DHRSX: variants seen among roughly 807,000 people sequenced by gnomAD.
DHRSX encodes the protein dehydrogenase/reductase X-linked.
DHRSX carries 31 observed loss-of-function variants against 34.0 expected under a neutral mutation model. The ratio of observed to expected loss-of-function variants is 0.91; its 90% CI spans 0.69 to 1.23. The LOEUF (loss-of-function observed/expected upper bound fraction) is 1.23. Ranked by LOEUF, DHRSX falls within the 50% of genes most tolerant of loss-of-function variation. DHRSX has a pLI of 0.00. For missense variants in DHRSX, 414 were observed against 428.1 expected (o/e 0.97, Z 0.29); for synonymous variants, 201 against 183.8 (o/e 1.09, Z -0.76).
At chrX:2,396,341 C>A (rs1483819718) in intron 3 of DHRSX, among the ~76,000 whole-genome samples, 1 of 151,486 alleles carries the variant, frequency 6.6e-6, no homozygotes, top group Non-Finnish European at 1.5e-5. Context: ...GCATTCAACC[C>A]CTTGCAATTG....
chrX:2,376,423 A>C (rs921928328), intron 3 of DHRSX, among the ~76,000 whole-genome samples: 2 of 137,348 alleles, frequency 1.5e-5, no homozygotes, highest in African/African-American at 4.9e-5. Flanking sequence ...GCCATGAAGA[A>C]AGGCTTTGAA....
At chrX:2,336,093 C>T (rs775295333) in intron 3 of DHRSX, among the ~76,000 whole-genome samples, 31 of 150,686 alleles carry the variant, frequency 2.1e-4, no homozygotes, top group African/African-American at 7.6e-4. Context: ...CTGCAACCTC[C>T]GCCTCTCAAT....
At chrX:2,276,768 AGAAG>A (rs1363671171) in intron 4 of DHRSX, among the ~76,000 whole-genome samples, 1 of 149,808 alleles carries the variant, frequency 6.7e-6, no homozygotes, top group Non-Finnish European at 1.5e-5. Flanking sequence ...GGGAGGGCAA[AGAAG>A]GAAGAGAGAA....
intron 2 of DHRSX, among the ~76,000 whole-genome samples, chrX:2,416,454 G>T (rs1302366158): frequency 6.6e-6 from 1 of 152,122 alleles, no homozygotes; most frequent in African/African-American, 2.4e-5. Context: ...GCCCAAACCA[G>T]AGTCACCAAT....
chrX:2,500,939 G>T lies in DHRSX; in HGVS notation c.-14C>A. The T allele has an allele frequency of 1.9e-6, 2 of 1,050,292 alleles. No individual in the cohort carries two copies. Among genetic ancestry groups the T allele is most frequent in the Non-Finnish European group, 2.3e-6 (2 of 873,134 alleles). The allele number at this position is 1,050,292 out of a possible 1,614,324, so 65.1% of individuals were successfully genotyped here. A position where few individuals can be genotyped will look rare whatever the true frequency, so the allele number is the denominator to read the frequency against. ...CAATGGCGACATGGCTGCCCCGGCC[G>T]CGCCGCCGCCGCTTCCGCGCCGCCC... On this transcript the variant is annotated 5_prime_UTR_variant, in exon 1 of 7. Coordinates refer to ENST00000334651, the MANE Select transcript of DHRSX (RefSeq NM_145177.3).
At chrX:2,225,873 T>C (rs1314077583) in intron 6 of DHRSX, among the ~76,000 whole-genome samples, 3 of 151,570 alleles carry the variant, frequency 2.0e-5, no homozygotes, top group Non-Finnish European at 4.4e-5. Flanking sequence ...AGCCACCCAG[T>C]CTATGGTATT....
chrX:2,358,541 CA>C (rs930120168), intron 3 of DHRSX, among the ~76,000 whole-genome samples: 1 of 151,676 alleles, frequency 6.6e-6, no homozygotes, highest in South Asian at 2.1e-4. Context: ...ACTAAGAATA[CA>C]AAAAAAATTA....
In DHRSX at chrX:2,282,468, G is replaced by C. The variant is rs979039229; in HGVS notation, c.388+9034C>G. ...GGAGAGATGGGGGAAGGAGGAAAGA[G>C]AGAGAAGTGGGACACAGAGGAAGAC... On this transcript the variant is annotated intron_variant, in intron 4 of 6. Transcript: ENST00000334651. 3.3e-5 allele frequency among the ~76,000 whole-genome samples: 5 copies of C among 150,034 alleles called. No individual in the cohort carries two copies. In the South Asian group the frequency reaches 1.1e-3, roughly 32 times the overall value.
At chrX:2,482,933 T>C (rs1477552755) in intron 1 of DHRSX, among the ~76,000 whole-genome samples, 2 of 152,114 alleles carry the variant, frequency 1.3e-5, no homozygotes, top group Non-Finnish European at 2.9e-5. Flanking sequence ...ACCTCAGCAA[T>C]GCTACCAAAA....
intron 1 of DHRSX, among the ~76,000 whole-genome samples, chrX:2,445,685 G>C (rs1053196653): frequency 6.6e-6 from 1 of 152,020 alleles, no homozygotes; most frequent in Non-Finnish European, 1.5e-5. Context: ...CCCTAACAAT[G>C]TGGCCAAGGG....
At chrX:2,253,388 C>CGTG (rs2016484281) in intron 5 of DHRSX, among the ~76,000 whole-genome samples, 1 of 120,836 alleles carries the variant, frequency 8.3e-6, no homozygotes, top group Admixed American at 9.3e-5. Context: ...GCCAAGATGG[C>CGTG]GCCACGGCAC....
At chrX:2,301,277 G>A (rs949186234) in intron 3 of DHRSX, among the ~76,000 whole-genome samples, 3 of 152,184 alleles carry the variant, frequency 2.0e-5, no homozygotes, top group Non-Finnish European at 2.9e-5. Context: ...GCTGGGCATG[G>A]TGGTGCATTG....
chrX:2,499,474 A>G (rs1400422076), intron 1 of DHRSX, among the ~76,000 whole-genome samples: 1 of 152,216 alleles, frequency 6.6e-6, no homozygotes, highest in African/African-American at 2.4e-5. Flanking sequence ...TTCTAGGTTT[A>G]AATTGAGAAT....
At position 2,375,993 on chromosome X, in the gene DHRSX, T is replaced by G. The variant is rs145025437; in HGVS notation, c.286+32752A>C. ...GACACAAAATGTGCCTCTCTGTGAT[T>G]TTTACTAACTCGCCTGGAGTCACCA... On this transcript the variant is annotated intron_variant, in intron 3 of 6. Coordinates refer to ENST00000334651, the MANE Select transcript of DHRSX (RefSeq NM_145177.3). Among the ~76,000 whole-genome samples, 574 of 135,906 alleles carry G rather than the reference T, an allele frequency of 4.2e-3. 35 individuals are homozygous for G. The highest frequency in any genetic ancestry group is 0.013 in the African/African-American group (544 of 40,380). 89.2% of individuals were successfully genotyped at this position (135,906 alleles called of 152,430 possible).
intron 3 of DHRSX, among the ~76,000 whole-genome samples, chrX:2,336,742 T>C (rs2042570712): frequency 6.6e-6 from 1 of 152,004 alleles, no homozygotes; most frequent in African/African-American, 2.4e-5. Flanking sequence ...ACATCGTTAT[T>C]TCAGACTTCT....
chrX:2,490,689 T>A, intron 1 of DHRSX: 1 of 1,613,902 alleles, frequency 6.2e-7, no homozygotes, highest in Non-Finnish European at 8.5e-7. Context: ...TTCAGGTCTG[T>A]CTGGGAGCTC....
intron 3 of DHRSX, among the ~76,000 whole-genome samples, chrX:2,384,511 G>T (rs1359992564): frequency 6.6e-6 from 1 of 152,150 alleles, no homozygotes; most frequent in Non-Finnish European, 1.5e-5. Flanking sequence ...CTTGGAGAAA[G>T]CAAACCCAGA....
At chrX:2,360,798 T>C (rs1017834509) in intron 3 of DHRSX, among the ~76,000 whole-genome samples, 1 of 151,868 alleles carries the variant, frequency 6.6e-6, no homozygotes, top group Non-Finnish European at 1.5e-5. Flanking sequence ...ACAGGGAACA[T>C]GGCTTCCTCT....
At chrX:2,224,912 TACAC>T (rs745658253) in intron 6 of DHRSX, among the ~76,000 whole-genome samples, 162 of 141,088 alleles carry the variant, frequency 1.1e-3, no homozygotes, top group African/African-American at 2.5e-3. Context: ...CACACACACG[TACAC>T]ACACATTCAC....
Sources: allele counts gnomAD v4.1 joint callset (sites outside exome capture counted in the v4.1 genomes callset), GRCh38; gene constraint gnomAD v4.1.1; transcripts MANE v1.5; gene names NCBI Gene and HGNC (gene_info 2026-07-23, HGNC 2026-07-21).